Variants in CTNNA3 observed in about 807,000 individuals in gnomAD.
CTNNA3 encodes catenin alpha 3.
In CTNNA3, 76 loss-of-function variants were observed where a neutral mutation model predicts 95.7. The ratio of observed to expected loss-of-function variants is 0.79; its 90% CI spans 0.66 to 0.96. CTNNA3 has a LOEUF of 0.96. Ranked by LOEUF, CTNNA3 falls within the 40% of genes least tolerant of loss-of-function variation. The pLI, the probability that CTNNA3 is intolerant of heterozygous loss-of-function variation, is 0.00. For missense variants in CTNNA3, 1,191 were observed against 1,089.8 expected, an observed-to-expected ratio of 1.09 and a Z score of -1.31; for synonymous variants, 431 against 374.4, an observed-to-expected ratio of 1.15 and a Z score of -1.74.
At chr10:67,553,349 T>C (rs1019489997) in intron 3 of CTNNA3, among the ~76,000 whole-genome samples, 2 of 152,184 alleles carry the variant, frequency 1.3e-5, no homozygotes, top group Non-Finnish European at 2.9e-5. Flanking sequence ...TACTTTGAAG[T>C]CAAGTCATTC....
At chr10:67,715,240 A>G (rs1841135831) in intron 1 of CTNNA3, among the ~76,000 whole-genome samples, 1 of 152,230 alleles carries the variant, frequency 6.6e-6, no homozygotes, top group Non-Finnish European at 1.5e-5. Flanking sequence ...AGTTTTCAAT[A>G]AATGGTAGCT....
intron 13 of CTNNA3, among the ~76,000 whole-genome samples, chr10:66,152,707 T>C (rs1316386001): frequency 6.6e-6 from 1 of 151,920 alleles, no homozygotes; most frequent in Non-Finnish European, 1.5e-5. Flanking sequence ...AAAGAAAGTA[T>C]GACTTTTTCC....
At chr10:66,929,237 A>G (rs1328921414) in intron 7 of CTNNA3, among the ~76,000 whole-genome samples, 2 of 152,246 alleles carry the variant, frequency 1.3e-5, no homozygotes, top group South Asian at 4.1e-4. Context: ...TTTCATAAAT[A>G]AATAAATGAA....
intron 5 of CTNNA3, among the ~76,000 whole-genome samples, chr10:67,488,521 C>T (rs751665942): frequency 1.3e-5 from 2 of 152,050 alleles, no homozygotes; most frequent in Non-Finnish European, 2.9e-5. Flanking sequence ...AGGCACATGC[C>T]ACCAAGCTCA....
chr10:66,359,342 T>G (rs1348953264), intron 12 of CTNNA3, among the ~76,000 whole-genome samples: 1 of 151,964 alleles, frequency 6.6e-6, no homozygotes, highest in Non-Finnish European at 1.5e-5. Context: ...TGGGGGTGAG[T>G]GGATGTGGAT....
At chr10:67,509,726 C>G (rs1217869917) in intron 5 of CTNNA3, among the ~76,000 whole-genome samples, 1 of 152,184 alleles carries the variant, frequency 6.6e-6, no homozygotes, top group Non-Finnish European at 1.5e-5. Context: ...GTTGCTGGAT[C>G]AAATGGTATT....
intron 13 of CTNNA3, among the ~76,000 whole-genome samples, chr10:66,179,543 A>G (rs1215519544): frequency 6.6e-6 from 1 of 152,054 alleles, no homozygotes; most frequent in Non-Finnish European, 1.5e-5. Flanking sequence ...ATTATTTCTT[A>G]TAAATGCCTA....
At chr10:66,934,651 A>G (rs1847590022) in intron 7 of CTNNA3, among the ~76,000 whole-genome samples, 1 of 152,158 alleles carries the variant, frequency 6.6e-6, no homozygotes, top group Non-Finnish European at 1.5e-5. Context: ...TAATTCCTAG[A>G]AAACAAAGTA....
chr10:67,542,040 A>T (rs1042378768), intron 3 of CTNNA3, among the ~76,000 whole-genome samples: 2 of 152,174 alleles, frequency 1.3e-5, no homozygotes, highest in African/African-American at 4.8e-5. Flanking sequence ...TCATTTAAAC[A>T]ATTAGTATAT....
intron 7 of CTNNA3, among the ~76,000 whole-genome samples, chr10:66,962,913 G>A (rs1032209885): frequency 2.0e-5 from 3 of 152,028 alleles, no homozygotes; most frequent in African/African-American, 7.2e-5. Flanking sequence ...TTTTTGCCTG[G>A]TATGTTCACA....
At chr10:66,533,783 C>A (rs1373742165) in intron 10 of CTNNA3, among the ~76,000 whole-genome samples, 1 of 152,048 alleles carries the variant, frequency 6.6e-6, no homozygotes, top group Non-Finnish European at 1.5e-5. Flanking sequence ...GAAAATATGT[C>A]TATATGGTCA....
At chr10:66,640,608 T>C (rs1376331246) in intron 9 of CTNNA3, among the ~76,000 whole-genome samples, 3 of 152,164 alleles carry the variant, frequency 2.0e-5, no homozygotes, top group African/African-American at 7.2e-5. Context: ...TATCAAAGTA[T>C]ACTTACGGGG....
At chr10:65,984,138 C>T (rs1204696362) in intron 16 of CTNNA3, among the ~76,000 whole-genome samples, 2 of 151,220 alleles carry the variant, frequency 1.3e-5, no homozygotes, top group East Asian at 3.9e-4. Context: ...AAAACTAAAG[C>T]TAGAATGTAT....
intron 1 of CTNNA3, among the ~76,000 whole-genome samples, chr10:67,716,854 G>A (rs917370437): frequency 2.0e-5 from 3 of 152,120 alleles, no homozygotes; most frequent in South Asian, 4.1e-4. Flanking sequence ...GGATTGCTGG[G>A]TCAAATGGTA....
At chr10:67,679,678 T>A (rs893773768) in intron 1 of CTNNA3, among the ~76,000 whole-genome samples, 1 of 152,192 alleles carries the variant, frequency 6.6e-6, no homozygotes, top group African/African-American at 2.4e-5. Flanking sequence ...TTTAAAAAAA[T>A]CATTGCTAAA....
At chr10:67,583,304 T>A (rs1180193293) in intron 3 of CTNNA3, among the ~76,000 whole-genome samples, 1 of 152,198 alleles carries the variant, frequency 6.6e-6, no homozygotes. Flanking sequence ...ATTTTATTTC[T>A]CCTTCACTTA....
intron 1 of CTNNA3, among the ~76,000 whole-genome samples, chr10:67,713,858 C>G (rs1002417299): frequency 2.0e-5 from 3 of 151,744 alleles, no homozygotes; most frequent in Non-Finnish European, 2.9e-5. Flanking sequence ...ACCTAGATGA[C>G]GGGTTGATAG....
At chr10:65,955,662 T>C (rs1471514296) in intron 17 of CTNNA3, among the ~76,000 whole-genome samples, 1 of 152,172 alleles carries the variant, frequency 6.6e-6, no homozygotes, top group African/African-American at 2.4e-5. Flanking sequence ...GTTTTTGCCA[T>C]TGGTTCTGTT....
chr10:66,740,071 G>A (rs771811509), intron 9 of CTNNA3, among the ~76,000 whole-genome samples: 2 of 152,176 alleles, frequency 1.3e-5, no homozygotes, highest in Non-Finnish European at 2.9e-5. Context: ...GCAGAATTGT[G>A]GGTCACTGTG....
Sources: gnomAD v4.1 joint callset for allele counts (sites outside exome capture counted in the v4.1 genomes callset) on GRCh38, gnomAD v4.1.1 for gene constraint, MANE v1.5 for transcripts, NCBI Gene and HGNC (gene_info 2026-07-23, HGNC 2026-07-21) for gene names.